The following NUFIP1 variants were observed in gnomAD, a reference collection of about 807,000 sequenced individuals.
The protein encoded by NUFIP1 is nuclear FMR1 interacting protein 1.
Under a neutral mutation model 56.2 loss-of-function variants are expected in NUFIP1, and 38 were observed. The observed-to-expected ratio is 0.68, with a 90% CI of 0.52 to 0.89. The LOEUF (loss-of-function observed/expected upper bound fraction) is 0.89. Among genes scored for constraint, NUFIP1 ranks in the 40% least tolerant of loss-of-function variants. NUFIP1 has a pLI of 0.00. For missense variants in NUFIP1, 567 were observed against 605.8 expected (o/e 0.94, Z 0.67); for synonymous variants, 215 against 212.4 (o/e 1.01, Z -0.10).
intron 6 of NUFIP1, 55 bp from the exon 7 acceptor site, chr13:44,959,629 ATTTTG>A: frequency 6.7e-7 from 1 of 1,495,940 alleles, no homozygotes; most frequent in Admixed American, 2.2e-5. Context: ...TTCCAAGAAA[ATTTTG>A]AAAAAGACTA....
intron 5 of NUFIP1, among the ~76,000 whole-genome samples, chr13:44,973,404 G>A (rs558553024): frequency 1.8e-4 from 28 of 152,270 alleles, no homozygotes; most frequent in African/African-American, 6.5e-4. Flanking sequence ...GCTCAAACAT[G>A]ATTTATAAAT....
chr13:44,980,160 ATCT>A (rs1872136996), intron 3 of NUFIP1, among the ~76,000 whole-genome samples: 1 of 152,244 alleles, frequency 6.6e-6, no homozygotes, highest in African/African-American at 2.4e-5. Context: ...ACAATAATAT[ATCT>A]TATTTACTTC....
chr13:44,989,397 A>G lies in NUFIP1; in HGVS notation c.40T>C (p.Trp14Arg), dbSNP rs148563340. ...GGAGTCAGCTCGGGAGACGCATGCC[A>G]CCCGATAGGAGTCTCGAAATCACTA... The part of the protein sequence containing the change: ...PTSDFETPIG[W>R]HASPELTPTL... The change falls in exon 1 of 10, where the codon TGG becomes CGG. Residue 14 changes from tryptophan to arginine, a missense_variant. By Grantham distance (101) the Trp-to-Arg change is moderately radical (BLOSUM62 -3). Transcript: ENST00000379161. The G allele has an allele frequency of 6.1e-5, 98 of 1,613,448 alleles. No homozygotes were observed. The African/African-American group carries it at 1.2e-3, about 19-fold the overall frequency.
intron 8 of NUFIP1, among the ~76,000 whole-genome samples, chr13:44,947,229 T>TA (rs1870928719): frequency 6.7e-6 from 1 of 150,338 alleles, no homozygotes; most frequent in Admixed American, 6.6e-5. Context: ...TTGCCAAGCT[T>TA]ATTCCTTTTT....
At chr13:44,952,669 T>G (rs1271240032) in intron 7 of NUFIP1, among the ~76,000 whole-genome samples, 1 of 152,184 alleles carries the variant, frequency 6.6e-6, no homozygotes. Context: ...TTCCCTGATG[T>G]TACCATCTGA....
At chr13:44,944,611 A>G (rs1870852897) in intron 8 of NUFIP1, among the ~76,000 whole-genome samples, 1 of 152,108 alleles carries the variant, frequency 6.6e-6, no homozygotes, top group Non-Finnish European at 1.5e-5. Flanking sequence ...CACCCGACCT[A>G]ATACATTTTC....
chr13:44,969,411 T>C (rs532310626), intron 5 of NUFIP1, among the ~76,000 whole-genome samples: 9 of 152,254 alleles, frequency 5.9e-5, no homozygotes, highest in African/African-American at 1.4e-4. Flanking sequence ...CCAAAGACTA[T>C]TGAAAAAACA....
At chr13:44,954,066 C>T (rs894290867) in intron 7 of NUFIP1, among the ~76,000 whole-genome samples, 7 of 149,358 alleles carry the variant, frequency 4.7e-5, no homozygotes, top group South Asian at 4.2e-4. Context: ...AGTTCTAATG[C>T]AGGCATTTTT....
intron 5 of NUFIP1, among the ~76,000 whole-genome samples, chr13:44,967,994 T>C (rs1351938493): frequency 6.6e-6 from 1 of 151,604 alleles, no homozygotes; most frequent in Non-Finnish European, 1.5e-5. Flanking sequence ...CTGACTTGAA[T>C]AGCACAGACA....
intron 5 of NUFIP1, among the ~76,000 whole-genome samples, chr13:44,978,361 T>C (rs190679035): frequency 3.1e-4 from 47 of 152,312 alleles, no homozygotes; most frequent in Non-Finnish European, 1.6e-4. Context: ...CCTTTAAGGA[T>C]AGTTCTTCTT....
chr13:44,979,466 G>A lies in NUFIP1; in HGVS notation c.658-200C>T, dbSNP rs559221000. 5.3e-5 allele frequency among the ~76,000 whole-genome samples: 8 copies of A among 152,238 alleles called. No individual in the cohort carries two copies. In the East Asian group the frequency reaches 9.6e-4, roughly 18 times the overall value. ...ATTTAATTAGTGCTATTAATAGAGG[G>A]AAAAGGGGTAACATAATTTTGATTA... On this transcript the variant is annotated intron_variant, in intron 4 of 9. Transcript: ENST00000379161.
At chr13:44,986,656 C>A (rs986026320) in intron 1 of NUFIP1, among the ~76,000 whole-genome samples, 22 of 146,810 alleles carry the variant, frequency 1.5e-4, no homozygotes, top group African/African-American at 5.3e-4. Context: ...CGAGCCACTG[C>A]ACTCCAGCCT....
At chr13:44,988,948 G>A (rs1872541558) in intron 1 of NUFIP1, 77 bp downstream of exon 1, 2 of 1,447,814 alleles carry the variant, frequency 1.4e-6, no homozygotes, top group Non-Finnish European at 1.9e-6. Context: ...AGAGTAGAGA[G>A]AGGAAGCAGA....
At chr13:44,952,329 T>C (rs1476912467) in intron 7 of NUFIP1, among the ~76,000 whole-genome samples, 1 of 152,186 alleles carries the variant, frequency 6.6e-6, no homozygotes, top group African/African-American at 2.4e-5. Flanking sequence ...TTCACCCTGT[T>C]GGCCAGGCTG....
intron 8 of NUFIP1, among the ~76,000 whole-genome samples, chr13:44,944,920 C>T (rs905532482): frequency 3.9e-5 from 6 of 151,986 alleles, no homozygotes; most frequent in African/African-American, 7.2e-5. Context: ...CATGAAGGTA[C>T]ATTTATGGCT....
chr13:44,969,338 T>C (rs1050441553), intron 5 of NUFIP1, among the ~76,000 whole-genome samples: 1 of 150,802 alleles, frequency 6.6e-6, no homozygotes, highest in African/African-American at 2.4e-5. Context: ...GATAAATGAA[T>C]AACGAAAAAA....
chr13:44,988,970 G>A, intron 1 of NUFIP1, 55 bp downstream of exon 1: 2 of 1,567,264 alleles, frequency 1.3e-6, no homozygotes, highest in Non-Finnish European at 1.7e-6. Flanking sequence ...AAAGGGGAGA[G>A]GAAAGAACGG....
At chr13:44,946,004 C>T (rs1019947355) in intron 8 of NUFIP1, among the ~76,000 whole-genome samples, 1 of 152,088 alleles carries the variant, frequency 6.6e-6, no homozygotes, top group African/African-American at 2.4e-5. Context: ...CTAGTTCCAT[C>T]ATTTACTAGC....
chr13:44,966,820 A>G (rs1333224722), intron 5 of NUFIP1, among the ~76,000 whole-genome samples: 1 of 151,546 alleles, frequency 6.6e-6, no homozygotes, highest in Non-Finnish European at 1.5e-5. Context: ...CTAAAATACA[A>G]AAATTAGCCA....
Sources: allele counts gnomAD v4.1 joint callset (sites outside exome capture counted in the v4.1 genomes callset), GRCh38; gene constraint gnomAD v4.1.1; transcripts MANE v1.5; gene names NCBI Gene and HGNC (gene_info 2026-07-23, HGNC 2026-07-21).